Variants in RAD51B observed in about 807,000 individuals in gnomAD.
RAD51B encodes the protein RAD51 paralog B.
A neutral mutation model predicts 42.2 loss-of-function variants in RAD51B; 38 were observed. The ratio of observed to expected loss-of-function variants is 0.90; its 90% CI spans 0.70 to 1.18. The LOEUF (loss-of-function observed/expected upper bound fraction) is 1.18. Ranked by LOEUF, RAD51B falls within the 50% of genes most tolerant of loss-of-function variation. RAD51B has a pLI of 0.00. For synonymous variants in RAD51B, 154 were observed against 145.2 expected (o/e 1.06, Z -0.43); for missense variants, 373 against 400.7 (o/e 0.93, Z 0.59).
intron 10 of RAD51B, among the ~76,000 whole-genome samples, chr14:68,495,678 T>C (rs1474221961): frequency 6.6e-6 from 1 of 152,164 alleles, no homozygotes; most frequent in Non-Finnish European, 1.5e-5. Context: ...ATGGGAAACA[T>C]TCAGTTCCTG....
downstream of RAD51B, among the ~76,000 whole-genome samples, chr14:68,615,491 G>A (rs781377427): frequency 7.2e-5 from 11 of 151,964 alleles, no homozygotes; most frequent in South Asian, 2.1e-4. Flanking sequence ...GACTACAGGC[G>A]TCCACCACAA....
At chr14:68,004,623 GA>G (rs1033437084) in intron 7 of RAD51B, among the ~76,000 whole-genome samples, 1 of 152,050 alleles carries the variant, frequency 6.6e-6, no homozygotes, top group African/African-American at 2.4e-5. Context: ...GTATTTATGG[GA>G]AAATTGCACA....
chr14:68,619,180 T>G (rs1891889162), intron 10 of RAD51B, among the ~76,000 whole-genome samples: 1 of 152,094 alleles, frequency 6.6e-6, no homozygotes, highest in Non-Finnish European at 1.5e-5. Flanking sequence ...ATGAGTAAAT[T>G]AAAAAGTTAA....
rs10665607 is a variant in RAD51B at position 68,484,359 on chromosome 14, C to CTTTT, written c.1036+16122_1036+16125dup. On this transcript the variant is annotated intron_variant, in intron 10 of 10. Coordinates refer to the RAD51B transcript ENST00000487270. ...CAGTTGGGCTATTTTCTTTCTTTTT[C>CTTTT]TTTTTTTTTTTTTTTTGAGACAGAG... is the stretch of plus-strand genomic sequence containing the variant. Among the ~76,000 whole-genome samples the CTTTT allele has an allele frequency of 6.0e-3, 775 of 130,164 alleles. 19 individuals carry two copies. The highest frequency in any genetic ancestry group is 0.021 in the African/African-American group (715 of 33,440). The allele number at this position is 130,164 out of a possible 152,430, so 85.4% of individuals were successfully genotyped here. A position where few individuals can be genotyped will look rare whatever the true frequency, so the allele number is the denominator to read the frequency against.
chr14:68,199,201 CAACA>C (rs1431998922), intron 7 of RAD51B, among the ~76,000 whole-genome samples: 3 of 152,180 alleles, frequency 2.0e-5, no homozygotes, highest in African/African-American at 7.2e-5. Context: ...AGAATAGAAG[CAACA>C]CTCCAACTGT....
At chr14:68,264,624 A>G (rs2080953408) in intron 7 of RAD51B, among the ~76,000 whole-genome samples, 1 of 152,174 alleles carries the variant, frequency 6.6e-6, no homozygotes, top group Non-Finnish European at 1.5e-5. Flanking sequence ...AGTAGATACA[A>G]ATTTGTTACT....
chr14:68,027,803 A>G (rs2075978284), intron 7 of RAD51B, among the ~76,000 whole-genome samples: 1 of 152,184 alleles, frequency 6.6e-6, no homozygotes, highest in African/African-American at 2.4e-5. Flanking sequence ...CTTCCTTGCC[A>G]TCTAGATTCT....
At chr14:68,203,489 C>T (rs745632053) in intron 7 of RAD51B, among the ~76,000 whole-genome samples, 10 of 152,180 alleles carry the variant, frequency 6.6e-5, no homozygotes, top group African/African-American at 1.2e-4. Context: ...GGCAAAGTAG[C>T]TTTTGCATAA....
At chr14:67,841,693 T>A (rs1006409142) in intron 4 of RAD51B, among the ~76,000 whole-genome samples, 5 of 150,862 alleles carry the variant, frequency 3.3e-5, no homozygotes, top group Non-Finnish European at 5.9e-5. Context: ...CCCATTTTTT[T>A]ATTTTCGTTG....
chr14:68,057,434 G>C (rs1021111078), intron 7 of RAD51B, among the ~76,000 whole-genome samples: 1 of 151,914 alleles, frequency 6.6e-6, no homozygotes, highest in Non-Finnish European at 1.5e-5. Flanking sequence ...CTATAATGAA[G>C]TTCAAAGATA....
intron 7 of RAD51B, among the ~76,000 whole-genome samples, chr14:68,002,330 A>G (rs895584223): frequency 6.6e-6 from 1 of 152,152 alleles, no homozygotes; most frequent in Non-Finnish European, 1.5e-5. Flanking sequence ...AGCTGCATGT[A>G]TATCTTCTTT....
rs973753885 is a variant in RAD51B at position 68,566,253 on chromosome 14, T to A, written c.1037-28232T>A. On this transcript the variant is annotated intron_variant, in intron 10 of 10. Transcript: ENST00000487270. ...AGTCTACAAGTATTTGCTGAATGAC[T>A]GCTGACTGGTTTCCCAGGTGTAGCT... is the stretch of plus-strand genomic sequence containing the variant. Among the ~76,000 whole-genome samples, 2 of 152,262 alleles carry A rather than the reference T, an allele frequency of 1.3e-5. 1 individual carries two copies. The highest frequency in any genetic ancestry group is 4.1e-4 in the South Asian group (2 of 4,836).
chr14:68,416,802 A>C (rs1327697634), intron 9 of RAD51B, among the ~76,000 whole-genome samples: 1 of 152,174 alleles, frequency 6.6e-6, no homozygotes, highest in Non-Finnish European at 1.5e-5. Context: ...CCTTTGTGTA[A>C]GCAAGCCAGA....
chr14:68,111,570 T>C (rs548079362), intron 7 of RAD51B, among the ~76,000 whole-genome samples: 1 of 152,202 alleles, frequency 6.6e-6, no homozygotes, highest in African/African-American at 2.4e-5. Flanking sequence ...AGTTCTCTCT[T>C]TTCTGAGAAG....
chr14:68,582,758 G>A lies in RAD51B; in HGVS notation c.1037-11727G>A, dbSNP rs538966374. ...GCAAAGACTTGGAATCAACCCAAAC[G>A]CCCATCAATGATAGACTGGATAAAG... On this transcript the variant is annotated intron_variant, in intron 10 of 10. Coordinates refer to the RAD51B transcript ENST00000487270. Among the ~76,000 whole-genome samples the A allele has an allele frequency of 9.9e-5, 15 of 152,222 alleles. No individual in the cohort carries two copies. The South Asian group carries it at 1.2e-3, about 13-fold the overall frequency.
chr14:68,225,682 T>A (rs1768672787), intron 7 of RAD51B, among the ~76,000 whole-genome samples: 1 of 152,114 alleles, frequency 6.6e-6, no homozygotes, highest in South Asian at 2.1e-4. Flanking sequence ...GAAAGAACTA[T>A]GAAGGAATTT....
chr14:67,820,697 G>C (rs138144797), intron 1 of RAD51B, among the ~76,000 whole-genome samples: 39 of 152,188 alleles, frequency 2.6e-4, no homozygotes, highest in African/African-American at 7.5e-4. Flanking sequence ...GGAAGTCAGG[G>C]AGACAGGATG....
intron 7 of RAD51B, among the ~76,000 whole-genome samples, chr14:68,131,415 G>A (rs894592289): frequency 1.3e-5 from 2 of 152,164 alleles, no homozygotes; most frequent in African/African-American, 4.8e-5. Context: ...GGACATATTC[G>A]CTGGGTGCGG....
intron 8 of RAD51B, among the ~76,000 whole-genome samples, chr14:68,293,092 A>C (rs2081546284): frequency 1.3e-5 from 2 of 152,248 alleles, no homozygotes; most frequent in East Asian, 1.9e-4. Context: ...GAATTATTTT[A>C]ATAACATCCA....
Sources: allele counts gnomAD v4.1 joint callset (sites outside exome capture counted in the v4.1 genomes callset), GRCh38; gene constraint gnomAD v4.1.1; transcripts MANE v1.5; gene names NCBI Gene and HGNC (gene_info 2026-07-23, HGNC 2026-07-21).